Variants in MCPH1 observed in about 807,000 individuals in gnomAD.
The protein encoded by MCPH1 is microcephalin 1, also known as microcephalin.
MCPH1 carries 104 observed loss-of-function variants against 84.5 expected under a neutral mutation model. The observed-to-expected ratio is 1.23, with a 90% confidence interval of 1.05 to 1.45. The LOEUF (loss-of-function observed/expected upper bound fraction) is 1.45, where lower values mean the gene tolerates loss of function less well. Among genes scored for constraint, MCPH1 ranks in the 40% most tolerant of loss-of-function variants. The probability of loss-of-function intolerance (pLI) is 0.00; values close to 1 mark genes in which losing one functional copy is unlikely to be tolerated. For synonymous variants in MCPH1, 514 were observed against 366.8 expected (o/e 1.40, Z -4.58); for missense variants, 1,498 against 1,005.7 (o/e 1.49, Z -6.62).
At chr8:6,502,998 C>G in intron 12 of MCPH1, 1 of 1,402,196 alleles carries the variant, frequency 7.1e-7, no homozygotes. Context: ...AGCACACGCC[C>G]TCTGTGGTGG....
chr8:6,431,424 A>C, intron 3 of MCPH1, 75 bp from the exon 4 acceptor site: 1 of 1,076,602 alleles, frequency 9.3e-7, no homozygotes, highest in South Asian at 1.3e-5. Context: ...TTGCTAATAC[A>C]TGTGCAGATT....
intron 8 of MCPH1, among the ~76,000 whole-genome samples, chr8:6,448,241 G>A (rs1804670343): frequency 6.6e-6 from 1 of 152,226 alleles, no homozygotes. Context: ...TCCGATCACA[G>A]GCCTGGGGAG....
chr8:6,572,694 C>G (rs1826758971), intron 12 of MCPH1, among the ~76,000 whole-genome samples: 1 of 152,166 alleles, frequency 6.6e-6, no homozygotes, highest in Non-Finnish European at 1.5e-5. Flanking sequence ...ATTACAACAG[C>G]AGAAAAAGAG....
intron 12 of MCPH1, among the ~76,000 whole-genome samples, chr8:6,599,717 T>C (rs1829220655): frequency 6.6e-6 from 1 of 152,236 alleles, no homozygotes; most frequent in Non-Finnish European, 1.5e-5. Flanking sequence ...TTACTTTTTA[T>C]CTTCATTTTG....
At chr8:6,591,058 C>T (rs1195896186) in intron 12 of MCPH1, among the ~76,000 whole-genome samples, 1 of 152,170 alleles carries the variant, frequency 6.6e-6, no homozygotes, top group Non-Finnish European at 1.5e-5. Context: ...GCCACCACAC[C>T]CGGTTAATTG....
At chr8:6,539,037 G>C (rs1223955596) in intron 12 of MCPH1, among the ~76,000 whole-genome samples, 1 of 152,150 alleles carries the variant, frequency 6.6e-6, no homozygotes, top group Non-Finnish European at 1.5e-5. Flanking sequence ...GCTTGTGTGT[G>C]TGTGTGTGTG....
chr8:6,471,595 A>G (rs1585967093), intron 9 of MCPH1, among the ~76,000 whole-genome samples: 2 of 152,206 alleles, frequency 1.3e-5, no homozygotes, highest in Admixed American at 1.3e-4. Context: ...ACTGTAAACA[A>G]AAGCCGCAGT....
intron 3 of MCPH1, among the ~76,000 whole-genome samples, chr8:6,417,375 C>G (rs961556085): frequency 6.9e-6 from 1 of 143,938 alleles, no homozygotes; most frequent in African/African-American, 2.5e-5. Context: ...AATAAGTAAA[C>G]AAATGCTTGT....
rs182083438 is a variant in MCPH1, at chr8:6,425,941, C to G, written c.234-5558C>G. Among the ~76,000 whole-genome samples, 177 of 152,282 alleles carry G rather than the reference C, an allele frequency of 1.2e-3. 1 individual carries two copies. Among genetic ancestry groups the G allele is most frequent in the African/African-American group, 4.1e-3 (172 of 41,556 alleles). The stretch of plus-strand genomic sequence containing the variant: ...CGTCCAGATGCATCTCAGCCACCCC[C>G]CTTTTGCTGTTCCCTTAGGCATAAT... On this transcript the variant is annotated intron_variant, in intron 3 of 13. Coordinates refer to ENST00000344683, the MANE Select transcript of MCPH1 (RefSeq NM_024596.5).
chr8:6,413,969 A>G (rs1798894647), intron 2 of MCPH1, among the ~76,000 whole-genome samples: 1 of 151,960 alleles, frequency 6.6e-6, no homozygotes, highest in Non-Finnish European at 1.5e-5. Flanking sequence ...TGGCCAGGCT[A>G]GTCTTAAATT....
intron 13 of MCPH1, chr8:6,627,363 C>G (rs1796815322): frequency 1.1e-6 from 1 of 896,766 alleles, no homozygotes; most frequent in African/African-American, 1.8e-5. Flanking sequence ...CCCTTCCAGC[C>G]CCTCTCCTCC....
intron 12 of MCPH1, among the ~76,000 whole-genome samples, chr8:6,531,459 G>T (rs2515478): frequency 0.66 from 99,767 of 151,512 alleles, 33,242 homozygotes; most frequent in Non-Finnish European, 0.72. Context: ...TGGCTAATTT[G>T]TTTGTATTTT....
At chr8:6,642,750 C>T in intron 13 of MCPH1, 1 of 565,696 alleles carries the variant, frequency 1.8e-6, no homozygotes, top group Non-Finnish European at 3.2e-6. Context: ...TCTAATGGGA[C>T]ATGTGGCTAC....
At chr8:6,448,543 A>G (rs1268073354) in intron 8 of MCPH1, among the ~76,000 whole-genome samples, 1 of 152,244 alleles carries the variant, frequency 6.6e-6, no homozygotes, top group Non-Finnish European at 1.5e-5. Context: ...AACCATGGTC[A>G]CTGAAGAACA....
chr8:6,460,230 C>A (rs1806130921), intron 9 of MCPH1, among the ~76,000 whole-genome samples: 1 of 151,846 alleles, frequency 6.6e-6, no homozygotes, highest in African/African-American at 2.4e-5. Flanking sequence ...CTATTTCTTT[C>A]CTCTTGTATC....
At chr8:6,622,416 A>C (rs1831548153) in intron 13 of MCPH1, among the ~76,000 whole-genome samples, 1 of 152,178 alleles carries the variant, frequency 6.6e-6, no homozygotes, top group South Asian at 2.1e-4. Context: ...GGCCTGGGGA[A>C]TGCGGAGGAA....
Position 6,648,415 on chromosome 8 carries a change from A to C in MCPH1, c.*5366A>C, listed in dbSNP as rs1325837890. On this transcript the variant is annotated 3_prime_UTR_variant, in exon 14 of 14. Transcript: ENST00000344683. Reference sequence around the variant, plus strand: ...GAAAGTAATATGCAGATAACAGCCCAGGGGAATCTGGGCAGCACTGTGAAA... The same window carrying C: ...GAAAGTAATATGCAGATAACAGCCCCGGGGAATCTGGGCAGCACTGTGAAA... 1 of 152,254 alleles carries C rather than the reference A, an allele frequency of 6.6e-6. No homozygotes were observed. Among genetic ancestry groups the C allele is most frequent in the Non-Finnish European group, 1.5e-5 (1 of 68,052 alleles). 9.4% of individuals were successfully genotyped at this position (152,254 alleles called of 1,614,324 possible). A position where few individuals can be genotyped will look rare whatever the true frequency, so the allele number is the denominator to read the frequency against.
At chr8:6,446,684 G>C in intron 8 of MCPH1, 4 of 984,896 alleles carry the variant, frequency 4.1e-6, no homozygotes, top group Non-Finnish European at 4.8e-6. Flanking sequence ...AGAATATCCT[G>C]TTCTGAGGTT....
chr8:6,522,644 C>T (rs938668693), intron 12 of MCPH1, among the ~76,000 whole-genome samples: 1 of 150,700 alleles, frequency 6.6e-6, no homozygotes, highest in South Asian at 2.1e-4. Flanking sequence ...CGTGGGGGTA[C>T]ATGAATGTAA....
Sources: gnomAD v4.1 joint callset for allele counts (sites outside exome capture counted in the v4.1 genomes callset) on GRCh38, gnomAD v4.1.1 for gene constraint, MANE v1.5 for transcripts, NCBI Gene and HGNC (gene_info 2026-07-23, HGNC 2026-07-21) for gene names.